The following FSTL5 variants were observed in gnomAD, a reference collection of about 807,000 sequenced individuals.
FSTL5 encodes the protein follistatin-related protein 5.
FSTL5 carries 62 observed loss-of-function variants against 89.1 expected under a neutral mutation model. That is an observed-to-expected ratio of 0.70 (90% CI 0.57 to 0.86). The LOEUF is 0.86. FSTL5 is among the 40% of genes least tolerant of loss of function. The pLI is 0.00. For missense variants in FSTL5, 1,057 were observed against 1,001.6 expected (o/e 1.06, Z -0.75); for synonymous variants, 383 against 346.2 (o/e 1.11, Z -1.18).
At chr4:161,648,136 C>G (rs1040925508) in intron 7 of FSTL5, among the ~76,000 whole-genome samples, 1 of 152,126 alleles carries the variant, frequency 6.6e-6, no homozygotes, top group African/African-American at 2.4e-5. Flanking sequence ...CCGATTCTTC[C>G]GGTACACCAA....
intron 6 of FSTL5, among the ~76,000 whole-genome samples, chr4:161,679,618 CAT>C (rs1220137543): frequency 6.6e-6 from 1 of 151,766 alleles, no homozygotes; most frequent in East Asian, 1.9e-4. Context: ...TTATTGAAAA[CAT>C]GTGCTTGGTA....
Position 161,974,552 on chromosome 4 carries a change from T to C in FSTL5, c.161-53900A>G, listed in dbSNP as rs542267847. 3.2e-3 allele frequency among the ~76,000 whole-genome samples: 407 copies of C among 127,208 alleles called. 1 individual carries two copies. Among genetic ancestry groups the C allele is most frequent in the African/African-American group, 0.012 (390 of 32,814 alleles). The allele number at this position is 127,208 out of a possible 152,430, so 83.5% of individuals were successfully genotyped here. ...GCTGGGAAAACTGGCTAGCCATATGTAGAAAGCTGAAACTGGATCCCTTCC... is the reference window on the plus strand; with the variant it reads ...GCTGGGAAAACTGGCTAGCCATATGCAGAAAGCTGAAACTGGATCCCTTCC... On this transcript the variant is annotated intron_variant, in intron 3 of 15. Transcript: ENST00000306100.
At chr4:161,414,337 A>G (rs1250108525) in intron 15 of FSTL5, among the ~76,000 whole-genome samples, 1 of 152,212 alleles carries the variant, frequency 6.6e-6, no homozygotes. Flanking sequence ...ACAGATTGAA[A>G]AACCATAATC....
intron 15 of FSTL5, among the ~76,000 whole-genome samples, chr4:161,420,994 T>C (rs1731970575): frequency 6.6e-6 from 1 of 152,094 alleles, no homozygotes; most frequent in Non-Finnish European, 1.5e-5. Context: ...TATTAATATC[T>C]ATACATTTCT....
chr4:161,765,460 T>G (rs775243376), intron 5 of FSTL5, among the ~76,000 whole-genome samples: 33 of 152,220 alleles, frequency 2.2e-4, no homozygotes, highest in Non-Finnish European at 4.6e-4. Context: ...TACTTATAAT[T>G]GTGAAAGAGT....
rs78033938 is a variant in FSTL5, at chr4:161,412,717, C to T, written c.1842-26268G>A. Among the ~76,000 whole-genome samples the T allele has an allele frequency of 4.6e-3, 701 of 152,152 alleles. 15 individuals are homozygous for T. In the East Asian group the frequency reaches 0.054, roughly 12 times the overall value. On this transcript the variant is annotated intron_variant, in intron 15 of 15. Coordinates refer to ENST00000306100, the MANE Select transcript of FSTL5 (RefSeq NM_020116.5). ...AGTTTGGTACTGGCACTAAAACAGA[C>T]GCATAGATCAATGGAACACAACAGA...
chr4:161,825,794 C>T (rs1384486661), intron 4 of FSTL5, among the ~76,000 whole-genome samples: 1 of 152,048 alleles, frequency 6.6e-6, no homozygotes, highest in African/African-American at 2.4e-5. Flanking sequence ...CCTAGTTAAT[C>T]TCACTAATGG....
chr4:161,703,799 C>G (rs745382802), intron 6 of FSTL5, among the ~76,000 whole-genome samples: 1 of 152,094 alleles, frequency 6.6e-6, no homozygotes, highest in Non-Finnish European at 1.5e-5. Context: ...AATATTGGGA[C>G]TTATGATATA....
chr4:161,717,283 C>G (rs1739020323), intron 6 of FSTL5, among the ~76,000 whole-genome samples: 1 of 152,134 alleles, frequency 6.6e-6, no homozygotes, highest in Admixed American at 6.5e-5. Context: ...GGGTGAAATA[C>G]TTAGACTGTG....
intron 7 of FSTL5, among the ~76,000 whole-genome samples, chr4:161,645,751 C>A (rs188367746): frequency 6.6e-6 from 1 of 152,190 alleles, no homozygotes; most frequent in East Asian, 1.9e-4. Context: ...CCAATGCTCC[C>A]TGCTTTATTT....
chr4:161,692,984 A>G lies in FSTL5; in HGVS notation c.728-36490T>C, dbSNP rs140833808. On this transcript the variant is annotated intron_variant, in intron 6 of 15. Coordinates refer to ENST00000306100, the MANE Select transcript of FSTL5 (RefSeq NM_020116.5). ...TGATCTGCCTGCCTTGTCCTCCCAA[A>G]GTGCTGGGATTACGGGTGTGAGCCA... Among the ~76,000 whole-genome samples the G allele has an allele frequency of 2.2e-4, 34 of 152,250 alleles. No individual in the cohort carries two copies. In the East Asian group the frequency reaches 6.6e-3, roughly 29 times the overall value.
intron 15 of FSTL5, among the ~76,000 whole-genome samples, chr4:161,435,395 A>G (rs1732523879): frequency 6.6e-6 from 1 of 152,062 alleles, no homozygotes; most frequent in Non-Finnish European, 1.5e-5. Context: ...ATGGAGATAG[A>G]GACTAGAATA....
chr4:161,584,378 T>C (rs1047930488), intron 8 of FSTL5, among the ~76,000 whole-genome samples: 1 of 152,220 alleles, frequency 6.6e-6, no homozygotes, highest in African/African-American at 2.4e-5. Context: ...AGTCCGTCCT[T>C]CTGTGAATTA....
chr4:161,654,755 G>A (rs1207367444), intron 7 of FSTL5, among the ~76,000 whole-genome samples: 1 of 152,038 alleles, frequency 6.6e-6, no homozygotes, highest in East Asian at 1.9e-4. Context: ...TCTTGAATGA[G>A]GATAAAAAAT....
intron 1 of FSTL5, among the ~76,000 whole-genome samples, chr4:162,133,251 T>G (rs1039253983): frequency 6.6e-6 from 1 of 152,252 alleles, no homozygotes; most frequent in Non-Finnish European, 1.5e-5. Context: ...ATTCTGAGTC[T>G]AAATGGCATT....
intron 4 of FSTL5, among the ~76,000 whole-genome samples, chr4:161,834,300 C>T (rs1011907260): frequency 9.9e-5 from 15 of 152,112 alleles, no homozygotes; most frequent in African/African-American, 3.6e-4. Flanking sequence ...TGGGACGTAT[C>T]TCAAAATAAC....
At chr4:162,085,731 C>G (rs17041916) in intron 2 of FSTL5, among the ~76,000 whole-genome samples, 1,668 of 152,178 alleles carry the variant, frequency 0.011, 32 homozygotes, top group African/African-American at 0.038. Context: ...TTCATTTCCT[C>G]GTCATGGTAG....
At chr4:162,028,381 A>G (rs1737382771) in intron 3 of FSTL5, among the ~76,000 whole-genome samples, 1 of 152,144 alleles carries the variant, frequency 6.6e-6, no homozygotes, top group African/African-American at 2.4e-5. Flanking sequence ...GTTCGAGACC[A>G]TCCTGGCCAA....
At chr4:161,901,515 C>T (rs1322294000) in intron 4 of FSTL5, among the ~76,000 whole-genome samples, 3 of 152,104 alleles carry the variant, frequency 2.0e-5, no homozygotes, top group Non-Finnish European at 2.9e-5. Context: ...AAATGAATTT[C>T]GTTTTGGGTA....
Sources: gnomAD v4.1 joint callset for allele counts (sites outside exome capture counted in the v4.1 genomes callset) on GRCh38, gnomAD v4.1.1 for gene constraint, MANE v1.5 for transcripts, NCBI Gene and HGNC (gene_info 2026-07-23, HGNC 2026-07-21) for gene names.